CTNND1: variants seen among roughly 807,000 people sequenced by gnomAD.
CTNND1 encodes the protein catenin delta 1.
CTNND1 carries 16 observed loss-of-function variants against 112.1 expected under a neutral mutation model. The ratio of observed to expected loss-of-function variants is 0.14; its 90% CI spans 0.10 to 0.22. The LOEUF (loss-of-function observed/expected upper bound fraction) is 0.22. Ranked by LOEUF, CTNND1 falls within the 10% of genes least tolerant of loss-of-function variation. The pLI is 1.00. For synonymous variants in CTNND1, 420 were observed against 446.5 expected, an observed-to-expected ratio of 0.94 and a Z score of 0.75; for missense variants, 1,008 against 1,257.0, an observed-to-expected ratio of 0.80 and a Z score of 3.00.
At chr11:57,782,483 G>A (rs2059680884) in intron 1 of CTNND1, among the ~76,000 whole-genome samples, 1 of 152,144 alleles carries the variant, frequency 6.6e-6, no homozygotes, top group South Asian at 2.1e-4. Context: ...TGCAGACGTG[G>A]TAGAAGATTT....
intron 1 of CTNND1, among the ~76,000 whole-genome samples, chr11:57,780,391 T>C (rs1024295521): frequency 6.6e-6 from 1 of 152,074 alleles, no homozygotes; most frequent in African/African-American, 2.4e-5. Flanking sequence ...ACATAGAAAA[T>C]TCATACTCTT....
At chr11:57,794,445 C>T (rs893788840) in intron 4 of CTNND1, among the ~76,000 whole-genome samples, 1 of 152,122 alleles carries the variant, frequency 6.6e-6, no homozygotes, top group African/African-American at 2.4e-5. Context: ...AACATAAAGC[C>T]AGTCAAAAGA....
intron 10 of CTNND1, 119 bp downstream of exon 10, chr11:57,806,154 T>A: frequency 7.4e-7 from 1 of 1,345,004 alleles, no homozygotes; most frequent in South Asian, 1.5e-5. Flanking sequence ...TATGGATGTC[T>A]TTTTGGTTTG....
chr11:57,797,842 C>CAAAAAAAA (rs771815069), intron 6 of CTNND1, among the ~76,000 whole-genome samples: 4 of 68,912 alleles, frequency 5.8e-5, no homozygotes, highest in Non-Finnish European at 7.7e-5. Context: ...AACTCCACCT[C>CAAAAAAAA]AAAAAAAAAA....
At chr11:57,792,963 AT>A (rs2060935866) in intron 3 of CTNND1, among the ~76,000 whole-genome samples, 1 of 151,672 alleles carries the variant, frequency 6.6e-6, no homozygotes, top group African/African-American at 2.4e-5. Context: ...TGTTCCTAGG[AT>A]TTTTACAGGA....
chr11:57,807,130 A>G, intron 12 of CTNND1, 147 bp downstream of exon 12: 1 of 723,496 alleles, frequency 1.4e-6, no homozygotes, highest in Non-Finnish European at 2.3e-6. Context: ...AAGTATTGGG[A>G]AGCTGCATAG....
At chr11:57,772,937 TTTAA>T (rs1197040994) in intron 1 of CTNND1, among the ~76,000 whole-genome samples, 1 of 152,170 alleles carries the variant, frequency 6.6e-6, no homozygotes, top group African/African-American at 2.4e-5. Context: ...TGTTCTTTCC[TTTAA>T]TTATGCTTAT....
intron 17 of CTNND1, among the ~76,000 whole-genome samples, chr11:57,812,204 C>G (rs1037217788): frequency 1.2e-4 from 19 of 152,106 alleles, no homozygotes; most frequent in Non-Finnish European, 2.4e-4. Context: ...AAGCAGAGAG[C>G]CATTTTCACT....
chr11:57,816,341 G>A lies in CTNND1; in HGVS notation c.*33G>A, dbSNP rs1278794637. On this transcript the variant is annotated 3_prime_UTR_variant, in exon 21 of 21. Coordinates refer to ENST00000399050, the MANE Select transcript of CTNND1 (RefSeq NM_001085458.2). ...ATCTCCGTTCCATCTGGGCTTATATGTACTTTTATTTTTTGGTGGTGAAAT... is the reference window on the plus strand; with the variant it reads ...ATCTCCGTTCCATCTGGGCTTATATATACTTTTATTTTTTGGTGGTGAAAT... 5.0e-6 allele frequency: 8 copies of A among 1,612,514 alleles called. No homozygotes were observed. The highest frequency in any genetic ancestry group is 1.3e-5 in the African/African-American group (1 of 74,988).
Position 57,785,552 on chromosome 11 carries a change from G to T in CTNND1, c.-213-3485G>T, listed in dbSNP as rs562518131. On this transcript the variant is annotated intron_variant, in intron 1 of 20. Transcript: ENST00000399050. ...TGCTATTGGTAGGTGATTTTTTTGT[G>T]TGTGTGTGTGTGTGGGGTACTGAGT... 1.7e-3 allele frequency among the ~76,000 whole-genome samples: 251 copies of T among 150,538 alleles called. 1 individual carries two copies. The highest frequency in any genetic ancestry group is 4.7e-3 in the African/African-American group (194 of 41,118).
chr11:57,766,346 A>G (rs986540782), intron 1 of CTNND1, among the ~76,000 whole-genome samples: 1 of 152,324 alleles, frequency 6.6e-6, no homozygotes, highest in Non-Finnish European at 1.5e-5. Context: ...GTATGTTTGG[A>G]TATCAGTGTA....
At chr11:57,765,299 A>G (rs1950783342) in intron 1 of CTNND1, among the ~76,000 whole-genome samples, 1 of 152,070 alleles carries the variant, frequency 6.6e-6, no homozygotes, top group Non-Finnish European at 1.5e-5. Context: ...GTGCTCAGTA[A>G]GCCTTGGTTA....
At chr11:57,810,304 C>G in intron 16 of CTNND1, 81 bp downstream of exon 16, 1 of 1,013,488 alleles carries the variant, frequency 9.9e-7, no homozygotes, top group Non-Finnish European at 1.4e-6. Context: ...TTCGTTTCTT[C>G]CATTTCACCA....
chr11:57,808,009 A>C (rs1009379425), intron 12 of CTNND1, among the ~76,000 whole-genome samples, 156 bp from the exon 13 acceptor site: 27 of 152,154 alleles, frequency 1.8e-4, no homozygotes, highest in African/African-American at 6.5e-4. Flanking sequence ...TTTGGCCTCT[A>C]AGTTTGCTGT....
At position 57,788,831 on chromosome 11, in the gene CTNND1, C is replaced by A. The variant is rs886106794; in HGVS notation, c.-213-206C>A. ...AGGAGCTCTCACTTGACAGTAGAAT[C>A]CAGGTTTTAATGAAAATGACATCCA... is the stretch of plus-strand genomic sequence containing the variant. On this transcript the variant is annotated intron_variant, in intron 1 of 20. Transcript: ENST00000399050. The surrounding 1 kb of genome is among the most constrained non-coding windows in gnomAD (Gnocchi z 4.1). 1.3e-5 allele frequency among the ~76,000 whole-genome samples: 2 copies of A among 152,130 alleles called. No homozygotes were observed. The highest frequency in any genetic ancestry group is 2.9e-5 in the Non-Finnish European group (2 of 68,030).
chr11:57,797,883 G>C (rs1459353698), intron 6 of CTNND1, among the ~76,000 whole-genome samples: 1 of 144,342 alleles, frequency 6.9e-6, no homozygotes, highest in Non-Finnish European at 1.5e-5. Context: ...ATTGTTATTA[G>C]TCTGTGTCCT....
intron 2 of CTNND1, among the ~76,000 whole-genome samples, chr11:57,790,733 T>TG (rs1191830503): frequency 1.3e-5 from 1 of 79,986 alleles, no homozygotes; most frequent in Admixed American, 1.8e-4. Context: ...TTTTTTTGTA[T>TG]TTTTTTAGTA....
In CTNND1 at chr11:57,809,280, A is replaced by G. The variant is rs1055975523; in HGVS notation, c.2249A>G (p.His750Arg). The change falls in exon 15 of 21, where the codon CAT (histidine) becomes CGT (arginine). Residue 750 changes from histidine to arginine, a missense_variant. Coordinates refer to ENST00000399050, the MANE Select transcript of CTNND1 (RefSeq NM_001085458.2). ...DARNKELIGKHAIPNLVKNLP... is the reference protein window; with the variant it reads ...DARNKELIGKRAIPNLVKNLP... ...ATACATTCTTTCTTACTAGGTAAAC[A>G]TGCTATTCCTAACTTGGTAAAGAAT... 2.5e-6 allele frequency: 4 copies of G among 1,612,552 alleles called. No individual in the cohort carries two copies. Among genetic ancestry groups the G allele is most frequent in the African/African-American group, 2.7e-5 (2 of 75,040 alleles).
At chr11:57,804,012 C>T in intron 8 of CTNND1, 3 of 410,100 alleles carry the variant, frequency 7.3e-6, no homozygotes, top group Admixed American at 4.2e-5. Context: ...TGCTGTTCCC[C>T]ACACATCCTC....
Sources: allele counts gnomAD v4.1 joint callset (sites outside exome capture counted in the v4.1 genomes callset), GRCh38; gene constraint gnomAD v4.1.1; non-coding constraint Gnocchi (gnomAD v3.1); transcripts MANE v1.5; gene names NCBI Gene and HGNC (gene_info 2026-07-23, HGNC 2026-07-21).